Variants in VSNL1 observed in about 807,000 individuals in gnomAD.
The protein encoded by VSNL1 is visinin-like protein 1.
VSNL1 carries 6 observed loss-of-function variants against 20.4 expected under a neutral mutation model. That is an observed-to-expected ratio of 0.29 (90% CI 0.16 to 0.58). The LOEUF (loss-of-function observed/expected upper bound fraction) is 0.58. VSNL1 is among the 20% of genes least tolerant of loss of function. The pLI, the probability that VSNL1 is intolerant of heterozygous loss-of-function variation, is 0.90. For missense variants in VSNL1, 100 were observed against 234.5 expected (o/e 0.43, Z 3.75); for synonymous variants, 93 against 86.4 (o/e 1.08, Z -0.42).
chr2:17,594,127 G>A lies in VSNL1; in HGVS notation c.162+1891G>A, dbSNP rs775382012. On this transcript the variant is annotated intron_variant, in intron 2 of 3. Transcript: ENST00000295156. Reference sequence around the variant, plus strand: ...AGTATGTAGCACTGAAAAAGCACCAGCCTCAAGGTGAGGGGTCATGTAAAC... The same window carrying A: ...AGTATGTAGCACTGAAAAAGCACCAACCTCAAGGTGAGGGGTCATGTAAAC... Among the ~76,000 whole-genome samples, 103 of 152,322 alleles carry A rather than the reference G, an allele frequency of 6.8e-4. 1 individual carries two copies. The Middle Eastern group carries it at 0.031, about 45-fold the overall frequency.
chr2:17,614,079 C>G (rs1219785605), intron 2 of VSNL1, among the ~76,000 whole-genome samples: 1 of 152,178 alleles, frequency 6.6e-6, no homozygotes, highest in East Asian at 1.9e-4. Flanking sequence ...GAGTGGGGCT[C>G]TGAACTGGGA....
At chr2:17,541,772 A>T (rs1389111397) in intron 1 of VSNL1, 1 of 152,226 alleles carries the variant, frequency 6.6e-6, no homozygotes, top group Non-Finnish European at 1.5e-5. Flanking sequence ...AAACTGGAAG[A>T]AGGGTCTTTG....
chr2:17,565,150 C>T (rs1663908068), intron 1 of VSNL1, among the ~76,000 whole-genome samples: 1 of 151,976 alleles, frequency 6.6e-6, no homozygotes, highest in African/African-American at 2.4e-5. Flanking sequence ...CATAGATGGC[C>T]GTTTGATTAA....
intron 2 of VSNL1, among the ~76,000 whole-genome samples, chr2:17,646,183 G>A (rs1665991356): frequency 6.6e-6 from 1 of 152,152 alleles, no homozygotes. Flanking sequence ...TCAATGTTGA[G>A]TTAAAGAATG....
chr2:17,626,896 G>T (rs1665521362), intron 2 of VSNL1, among the ~76,000 whole-genome samples: 1 of 152,204 alleles, frequency 6.6e-6, no homozygotes, highest in African/African-American at 2.4e-5. Context: ...CTCCAGCCTG[G>T]CCTGACCATG....
rs1572213060 is a variant in VSNL1, at chr2:17,634,456, A to G, written c.163-14954A>G. On this transcript the variant is annotated intron_variant, in intron 2 of 3. Transcript: ENST00000295156. This position sits in a 1 kb window ranked among gnomAD's most constrained non-coding sequence, Gnocchi z 4.3. ...TGTCCCTTTCCATCTCAGCCTTTGCATTTAGCGGTCTTCTCAACACGTGTC... is the reference window on the plus strand; with the variant it reads ...TGTCCCTTTCCATCTCAGCCTTTGCGTTTAGCGGTCTTCTCAACACGTGTC... Among the ~76,000 whole-genome samples, 1 of 152,352 alleles carries G rather than the reference A, an allele frequency of 6.6e-6. No homozygotes were observed. Among genetic ancestry groups the G allele is most frequent in the Non-Finnish European group, 1.5e-5 (1 of 68,036 alleles).
intron 1 of VSNL1, among the ~76,000 whole-genome samples, chr2:17,552,401 C>T (rs991611169): frequency 2.0e-5 from 3 of 152,016 alleles, no homozygotes; most frequent in African/African-American, 4.8e-5. Flanking sequence ...GTTGTTCAAA[C>T]CCAAAACCCT....
At chr2:17,546,105 T>C (rs1272719443) in intron 1 of VSNL1, 4 of 152,056 alleles carry the variant, frequency 2.6e-5, no homozygotes, top group African/African-American at 9.6e-5. Context: ...TCAAGCTCAA[T>C]GTACCTAATA....
intron 1 of VSNL1, among the ~76,000 whole-genome samples, chr2:17,564,211 T>C (rs1311194027): frequency 6.6e-6 from 1 of 152,206 alleles, no homozygotes; most frequent in Non-Finnish European, 1.5e-5. Flanking sequence ...GGCCCACACT[T>C]CTGATCATTA....
At position 17,602,211 on chromosome 2, in the gene VSNL1, G is replaced by A. The variant is rs371966373; in HGVS notation, c.162+9975G>A. On this transcript the variant is annotated intron_variant, in intron 2 of 3. Coordinates refer to ENST00000295156, the MANE Select transcript of VSNL1 (RefSeq NM_003385.5). ...CGGGAAGAAGGCTTTCTGTCTTACT[G>A]ATTCTTCCATCTTTGGTGTCCAATT... 6.9e-4 allele frequency among the ~76,000 whole-genome samples: 105 copies of A among 152,274 alleles called. 3 individuals are homozygous for A. The South Asian group carries it at 0.021, about 30-fold the overall frequency.
At chr2:17,654,080 C>G (rs982453956) in intron 3 of VSNL1, among the ~76,000 whole-genome samples, 13 of 152,190 alleles carry the variant, frequency 8.5e-5, no homozygotes, top group Admixed American at 8.5e-4. Context: ...ATTTTTTTAC[C>G]GTATAGCTGT....
chr2:17,620,094 T>C (rs372659791), intron 2 of VSNL1, among the ~76,000 whole-genome samples: 21 of 152,076 alleles, frequency 1.4e-4, no homozygotes, highest in African/African-American at 3.9e-4. Context: ...CTTCCTGCAA[T>C]GGGGAAAGCA....
intron 2 of VSNL1, among the ~76,000 whole-genome samples, chr2:17,635,302 A>G (rs911757976): frequency 1.3e-5 from 2 of 152,130 alleles, no homozygotes; most frequent in African/African-American, 4.8e-5. Context: ...TAGAATCCTG[A>G]CAGCAAGCTG....
intron 2 of VSNL1, among the ~76,000 whole-genome samples, chr2:17,629,247 G>T (rs1327707901): frequency 2.0e-5 from 3 of 152,194 alleles, no homozygotes; most frequent in African/African-American, 7.2e-5. Context: ...TCCAATCCCA[G>T]AGCATTAGCT....
chr2:17,579,264 C>A (rs892698396), intron 1 of VSNL1, among the ~76,000 whole-genome samples: 4 of 152,050 alleles, frequency 2.6e-5, no homozygotes, highest in African/African-American at 9.7e-5. Context: ...TACAGGTGCC[C>A]GCCACCACGC....
chr2:17,618,888 T>A (rs1665282786), intron 2 of VSNL1, among the ~76,000 whole-genome samples: 1 of 152,180 alleles, frequency 6.6e-6, no homozygotes. Flanking sequence ...CAGGCATATG[T>A]TTTTTCCATA....
chr2:17,589,842 TG>T (rs1230866360), intron 1 of VSNL1, among the ~76,000 whole-genome samples: 2 of 152,174 alleles, frequency 1.3e-5, no homozygotes, highest in African/African-American at 4.8e-5. Context: ...GCTTGTGGTT[TG>T]GTAAATTTAA....
chr2:17,651,533 C>A (rs1312277186), intron 3 of VSNL1, among the ~76,000 whole-genome samples: 1 of 152,254 alleles, frequency 6.6e-6, no homozygotes, highest in Non-Finnish European at 1.5e-5. Flanking sequence ...TGTGTTCAGA[C>A]TTAATGACAG....
chr2:17,581,806 G>A (rs773452634), intron 1 of VSNL1, among the ~76,000 whole-genome samples: 3 of 152,124 alleles, frequency 2.0e-5, no homozygotes, highest in Non-Finnish European at 4.4e-5. Flanking sequence ...GCTGTTAATG[G>A]GAGGGATTAC....
Sources: allele counts gnomAD v4.1 joint callset (sites outside exome capture counted in the v4.1 genomes callset), GRCh38; gene constraint gnomAD v4.1.1; non-coding constraint Gnocchi (gnomAD v3.1); transcripts MANE v1.5; gene names NCBI Gene and HGNC (gene_info 2026-07-23, HGNC 2026-07-21).